TEAD1: variants seen among roughly 807,000 people sequenced by gnomAD.
TEAD1 encodes the protein transcriptional enhancer factor TEF-1.
In TEAD1, 9 loss-of-function variants were observed where a neutral mutation model predicts 54.9. The observed-to-expected ratio is 0.16, with a 90% CI of 0.10 to 0.29. TEAD1 has a LOEUF of 0.29. Ranked by LOEUF, TEAD1 falls within the 10% of genes least tolerant of loss-of-function variation. The pLI is 1.00. For synonymous variants in TEAD1, 200 were observed against 187.8 expected, an observed-to-expected ratio of 1.07 and a Z score of -0.53; for missense variants, 387 against 535.9, an observed-to-expected ratio of 0.72 and a Z score of 2.74.
Position 12,708,237 on chromosome 11 carries a change from A to G in TEAD1, c.-55+32676A>G, listed in dbSNP as rs113837367. ...GTGCCTTGCTTGATATCCAGGTGCT[A>G]GGGCTAAGGACCTCTTTGTGGAATA... On this transcript the variant is annotated intron_variant, in intron 2 of 12. Transcript: ENST00000527636. Among the ~76,000 whole-genome samples the G allele has an allele frequency of 4.6e-5, 7 of 151,680 alleles. No individual in the cohort carries two copies. In the East Asian group the frequency reaches 5.9e-4, roughly 13 times the overall value.
At chr11:12,710,566 A>G (rs892037366) in intron 2 of TEAD1, among the ~76,000 whole-genome samples, 1 of 152,164 alleles carries the variant, frequency 6.6e-6, no homozygotes, top group Non-Finnish European at 1.5e-5. Context: ...CTGGTAATTC[A>G]TTTATTTAAT....
At chr11:12,827,248 A>C (rs916774509) in intron 3 of TEAD1, among the ~76,000 whole-genome samples, 3 of 152,234 alleles carry the variant, frequency 2.0e-5, no homozygotes, top group African/African-American at 7.2e-5. Flanking sequence ...TGAGTTCTTC[A>C]TAGTCAGGAA....
chr11:12,792,347 G>A (rs1206687041), intron 3 of TEAD1, among the ~76,000 whole-genome samples: 1 of 83,516 alleles, frequency 1.2e-5, no homozygotes. Flanking sequence ...AAAGTAAAGG[G>A]AAAATAGTAA....
chr11:12,858,472 T>C (rs1247361427), intron 3 of TEAD1, among the ~76,000 whole-genome samples: 2 of 152,180 alleles, frequency 1.3e-5, no homozygotes, highest in Admixed American at 6.5e-5. Flanking sequence ...GACATTTGAT[T>C]TGGGGGAAGG....
At chr11:12,785,385 C>T (rs555034755) in intron 3 of TEAD1, among the ~76,000 whole-genome samples, 1 of 152,210 alleles carries the variant, frequency 6.6e-6, no homozygotes, top group Non-Finnish European at 1.5e-5. Context: ...TGGCTCTTTC[C>T]TCCTGTCCCA....
intron 2 of TEAD1, among the ~76,000 whole-genome samples, chr11:12,728,167 C>T (rs1273962717): frequency 3.9e-5 from 6 of 152,046 alleles, no homozygotes; most frequent in Non-Finnish European, 5.9e-5. Flanking sequence ...AACTGCTAAA[C>T]GTGATTTAAA....
intron 2 of TEAD1, among the ~76,000 whole-genome samples, chr11:12,691,496 A>G (rs1433482717): frequency 6.6e-6 from 1 of 152,142 alleles, no homozygotes; most frequent in Non-Finnish European, 1.5e-5. Flanking sequence ...CCTGCCTGCC[A>G]TGTCAACTCT....
intron 11 of TEAD1, among the ~76,000 whole-genome samples, chr11:12,927,458 A>G (rs1254307396): frequency 3.3e-5 from 5 of 152,150 alleles, no homozygotes; most frequent in African/African-American, 9.7e-5. Context: ...GCTTTATAGT[A>G]TATACTGATA....
At chr11:12,908,395 G>A (rs188632673) in intron 10 of TEAD1, among the ~76,000 whole-genome samples, 2 of 151,774 alleles carry the variant, frequency 1.3e-5, no homozygotes, top group African/African-American at 4.9e-5. Flanking sequence ...AAAGGCTCTG[G>A]TCTAAGCTGG....
chr11:12,796,860 C>T (rs1395700766), intron 3 of TEAD1, among the ~76,000 whole-genome samples: 6 of 152,058 alleles, frequency 3.9e-5, no homozygotes, highest in Non-Finnish European at 8.8e-5. Flanking sequence ...GCTTGTAATC[C>T]CAGCACTTTG....
At chr11:12,858,255 G>A (rs548713401) in intron 3 of TEAD1, among the ~76,000 whole-genome samples, 2 of 152,242 alleles carry the variant, frequency 1.3e-5, no homozygotes, top group South Asian at 2.1e-4. Flanking sequence ...GCATACTTCT[G>A]TAAATGGGTA....
chr11:12,942,114 C>T lies in TEAD1; in HGVS notation c.*4892C>T, dbSNP rs867782305. 1 of 152,584 alleles carries T rather than the reference C, an allele frequency of 6.6e-6. No homozygotes were observed. Among genetic ancestry groups the T allele is most frequent in the African/African-American group, 2.4e-5 (1 of 41,434 alleles). 9.5% of individuals were successfully genotyped at this position (152,584 alleles called of 1,614,324 possible). ...ATGTATATACCAAAACAAAAGGTTGCAACTTCATAGTTTACTATGAAAAGC... is the reference window on the plus strand; with the variant it reads ...ATGTATATACCAAAACAAAAGGTTGTAACTTCATAGTTTACTATGAAAAGC... On this transcript the variant is annotated 3_prime_UTR_variant, in exon 13 of 13. Coordinates refer to ENST00000527636, the MANE Select transcript of TEAD1 (RefSeq NM_021961.6).
chr11:12,916,586 C>G (rs1041842680), intron 10 of TEAD1, among the ~76,000 whole-genome samples: 1 of 152,198 alleles, frequency 6.6e-6, no homozygotes, highest in Non-Finnish European at 1.5e-5. Context: ...CATATTACCA[C>G]CGTGGCCTTT....
intron 2 of TEAD1, among the ~76,000 whole-genome samples, chr11:12,709,728 G>T (rs1215245852): frequency 6.6e-6 from 1 of 151,944 alleles, no homozygotes; most frequent in Non-Finnish European, 1.5e-5. Flanking sequence ...TTGCTCTGTT[G>T]CCCGGGGTGG....
At chr11:12,872,379 C>T (rs1047502944) in intron 5 of TEAD1, among the ~76,000 whole-genome samples, 2 of 152,220 alleles carry the variant, frequency 1.3e-5, no homozygotes, top group African/African-American at 2.4e-5. Context: ...GGCCTTGTCA[C>T]GGGATTTGGG....
intron 2 of TEAD1, among the ~76,000 whole-genome samples, chr11:12,715,254 C>T (rs1944031205): frequency 6.6e-6 from 1 of 152,130 alleles, no homozygotes; most frequent in Non-Finnish European, 1.5e-5. Context: ...ACCATTCCTT[C>T]ACCAGAGACA....
At chr11:12,791,189 A>G (rs1590155172) in intron 3 of TEAD1, among the ~76,000 whole-genome samples, 1 of 152,322 alleles carries the variant, frequency 6.6e-6, no homozygotes, top group African/African-American at 2.4e-5. Context: ...ATGCATAGGA[A>G]ATGCCAAGCT....
intron 2 of TEAD1, among the ~76,000 whole-genome samples, chr11:12,735,727 T>C (rs1309209117): frequency 1.3e-5 from 2 of 152,160 alleles, no homozygotes; most frequent in Non-Finnish European, 2.9e-5. Flanking sequence ...TATACATATA[T>C]CTTTCTATCA....
chr11:12,844,628 T>C (rs751251335), intron 3 of TEAD1, among the ~76,000 whole-genome samples: 8 of 152,128 alleles, frequency 5.3e-5, no homozygotes, highest in Non-Finnish European at 8.8e-5. Context: ...TTTGCTGACT[T>C]CAGAGTGCCA....
Sources: gnomAD v4.1 joint callset for allele counts (sites outside exome capture counted in the v4.1 genomes callset) on GRCh38, gnomAD v4.1.1 for gene constraint, MANE v1.5 for transcripts, NCBI Gene and HGNC (gene_info 2026-07-23, HGNC 2026-07-21) for gene names.